DVL2: variants seen among roughly 807,000 people sequenced by gnomAD.
The protein encoded by DVL2 is segment polarity protein dishevelled homolog DVL-2.
A neutral mutation model predicts 69.8 loss-of-function variants in DVL2; 38 were observed. The observed-to-expected ratio is 0.54, with a 90% CI of 0.42 to 0.71. The LOEUF is 0.71. DVL2 is among the 30% of genes least tolerant of loss of function. The pLI is 0.00. For synonymous variants in DVL2, 428 were observed against 392.4 expected, an observed-to-expected ratio of 1.09 and a Z score of -1.07; for missense variants, 931 against 1,008.1, an observed-to-expected ratio of 0.92 and a Z score of 1.04.
chr17:7,231,466 A>C (rs2071542450), intron 1 of DVL2, among the ~76,000 whole-genome samples: 1 of 138,086 alleles, frequency 7.2e-6, no homozygotes, highest in South Asian at 2.3e-4. Context: ...AAAAAAAAAA[A>C]CCTTCCAAAA....
Position 7,230,430 on chromosome 17 carries a change from G to A in DVL2, c.265C>T (p.Leu89=). ...PCFNGRVVSW[L]VSSDNPQPEM... is the part of the protein sequence containing the mutation. ...GGTTGGGGATTATCTGAGGACACCA[G>A]CTAGAAGGGTGCAAATGATAAACAG... The change falls in exon 3 of 15, where the codon CTG becomes TTG. Residue 89 remains leucine (L), a splice_region_variant and synonymous_variant. Coordinates refer to ENST00000005340, the MANE Select transcript of DVL2 (RefSeq NM_004422.3). 6.2e-7 allele frequency: 1 copy of A among 1,614,052 alleles called. No individual in the cohort carries two copies. Among genetic ancestry groups the A allele is most frequent in the Non-Finnish European group, 8.5e-7 (1 of 1,179,956 alleles).
chr17:7,226,872 C>G, intron 13 of DVL2: 1 of 631,116 alleles, frequency 1.6e-6, no homozygotes, highest in South Asian at 2.1e-5. Context: ...GCACCTTCCC[C>G]CGGTGGACAC....
At position 7,234,201 on chromosome 17, in the gene DVL2, T is replaced by G; in HGVS notation, c.62A>C (p.Asp21Ala). The G allele has an allele frequency of 6.2e-7, 1 of 1,614,098 alleles. No individual in the cohort carries two copies. The highest frequency in any genetic ancestry group is 8.5e-7 in the Non-Finnish European group (1 of 1,180,006). Residue 21 changes from aspartate (D) to alanine (A), a missense_variant, in exon 1 of 15, where the codon GAT (aspartate) becomes GCT (alanine). Physicochemically the swap from Asp to Ala is moderately radical, Grantham distance 126. This residue lies in a region of DVL2 where 555 missense variants were observed against 588.8 expected (regional missense o/e 0.94). Transcript: ENST00000005340. ...CACCAGGTAGGGAGTCTCTTCCTCA[T>G]CCAGGTGGTAAATCACCTTCGTCTC... ...VGETKVIYHL[D>A]EEETPYLVKI...
intron 1 of DVL2, among the ~76,000 whole-genome samples, chr17:7,232,679 T>G (rs2071560397): frequency 6.6e-6 from 1 of 152,222 alleles, no homozygotes; most frequent in Non-Finnish European, 1.5e-5. Flanking sequence ...AAAGCCAAGA[T>G]AACTCCCAAG....
At chr17:7,233,985 G>A (rs757754992) in intron 1 of DVL2, 84 bp downstream of exon 1, 4 of 1,460,026 alleles carry the variant, frequency 2.7e-6, no homozygotes, top group African/African-American at 2.8e-5. Flanking sequence ...TCCCAGTGTG[G>A]CCCAAAGTAG....
intron 1 of DVL2, among the ~76,000 whole-genome samples, chr17:7,231,514 T>G (rs1158173810): frequency 2.7e-5 from 4 of 150,220 alleles, no homozygotes; most frequent in Non-Finnish European, 5.9e-5. Flanking sequence ...ACTCTTATAC[T>G]TTCCTTTAGT....
chr17:7,230,820 T>C, intron 1 of DVL2, 23 bp from the exon 2 acceptor site: 11 of 1,597,082 alleles, frequency 6.9e-6, no homozygotes, highest in Non-Finnish European at 9.4e-6. Flanking sequence ...AAGGTAGAGG[T>C]CAGTGAGCTG....
intron 9 of DVL2, 90 bp from the exon 10 acceptor site, chr17:7,228,134 CAA>C (rs2071486377): frequency 9.1e-7 from 1 of 1,099,254 alleles, no homozygotes; most frequent in Non-Finnish European, 1.3e-6. Flanking sequence ...TTAAGAGACA[CAA>C]AGAGGGGGAG....
chr17:7,228,559 G>T (rs1345272503), intron 9 of DVL2: 3 of 196,810 alleles, frequency 1.5e-5, no homozygotes, highest in Non-Finnish European at 3.2e-5. Flanking sequence ...TTTGTTTCAT[G>T]TACTTTGAAC....
rs545420401 is a variant in DVL2, at chr17:7,228,317, A to G, written c.1035-273T>C. On this transcript the variant is annotated intron_variant, in intron 9 of 14. Transcript: ENST00000005340. ...CCAAAAACAGGTAAAACGAAACTGCAGTGTTCAAGGATACGTGCAAGGGTG... is the reference window on the plus strand; with the variant it reads ...CCAAAAACAGGTAAAACGAAACTGCGGTGTTCAAGGATACGTGCAAGGGTG... 3 of 299,102 alleles carry G rather than the reference A, an allele frequency of 1.0e-5. 1 individual carries two copies. The South Asian group carries it at 2.0e-4, about 20-fold the overall frequency. 18.5% of individuals were successfully genotyped at this position (299,102 alleles called of 1,614,324 possible). A position where few individuals can be genotyped will look rare whatever the true frequency, so the allele number is the denominator to read the frequency against.
rs772684304 is a variant in DVL2 at position 7,229,012 on chromosome 17, C to T, written c.991G>A (p.Asp331Asn). The T allele has an allele frequency of 3.1e-6, 5 of 1,614,188 alleles. No homozygotes were observed. The highest frequency in any genetic ancestry group is 4.5e-5 in the East Asian group (2 of 44,884). ...NDMNFENMSN[D>N]DAVRVLRDIV... ...TCCCTCAGCACCCGCACAGCGTCAT[C>T]GTTGCTCATGTTCTCAAAGTTCATG... The change falls in exon 9 of 15, where the codon GAT becomes AAT. Residue 331 changes from aspartate to asparagine, a missense_variant. Physicochemically the swap from Asp to Asn is conservative, Grantham distance 23 (BLOSUM62 1). Around this residue, in one of 3 missense-constraint regions of DVL2, gnomAD observed 555 missense variants for 588.8 expected, o/e 0.94. Transcript: ENST00000005340. This position sits in a 1 kb window ranked among gnomAD's most constrained non-coding sequence, Gnocchi z 4.4.
In DVL2 at chr17:7,225,774, T is replaced by C; in HGVS notation, c.*91A>G. The C allele has an allele frequency of 1.7e-6, 2 of 1,161,802 alleles. No individual in the cohort carries two copies. Among genetic ancestry groups the C allele is most frequent in the Non-Finnish European group, 2.5e-6 (2 of 785,050 alleles). 72.0% of individuals were successfully genotyped at this position (1,161,802 alleles called of 1,614,324 possible). On this transcript the variant is annotated 3_prime_UTR_variant, in exon 15 of 15. Coordinates refer to ENST00000005340, the MANE Select transcript of DVL2 (RefSeq NM_004422.3). The stretch of plus-strand genomic sequence containing the variant: ...TCCTGTATGGCAGCAGCTGGTAGGC[T>C]GAGCCCAGGCACTGTAAGAGCAAGC...
Position 7,229,932 on chromosome 17 carries a change from T to A in DVL2, c.532A>T (p.Arg178Trp). Residue 178 changes from arginine to tryptophan, a missense_variant, in exon 5 of 15, where the codon AGG becomes TGG. By Grantham distance (101) the Arg-to-Trp change is moderately radical. Coordinates refer to ENST00000005340, the MANE Select transcript of DVL2 (RefSeq NM_004422.3). This position sits in a 1 kb window ranked among gnomAD's most constrained non-coding sequence, Gnocchi z 4.4. ...TCCAGCCTTGAGGGGCCACCAGTCCTGTGGCCCCCAGCTACATATGGACAG... is the reference window on the plus strand; with the variant it reads ...TCCAGCCTTGAGGGGCCACCAGTCCAGTGGCCCCCAGCTACATATGGACAG... ...DSSEHGAGGHRTGGPSRLERH... is the reference protein window; with the variant it reads ...DSSEHGAGGHWTGGPSRLERH... 2 of 1,608,522 alleles carry A rather than the reference T, an allele frequency of 1.2e-6. No homozygotes were observed. Among genetic ancestry groups the A allele is most frequent in the Non-Finnish European group, 1.7e-6 (2 of 1,179,814 alleles).
intron 1 of DVL2, among the ~76,000 whole-genome samples, chr17:7,232,205 GT>G (rs2071553047): frequency 6.6e-6 from 1 of 152,158 alleles, no homozygotes; most frequent in Non-Finnish European, 1.5e-5. Context: ...ATGAATAAAC[GT>G]ATAAAGCATC....
At chr17:7,230,562 TC>T in intron 2 of DVL2, 132 bp from the exon 3 acceptor site, 1 of 1,377,068 alleles carries the variant, frequency 7.3e-7, no homozygotes, top group South Asian at 1.4e-5. Context: ...TATTAGAGAC[TC>T]CAGAAGGAGA....
Position 7,234,474 on chromosome 17 carries a change from C to A in DVL2, c.-212G>T. On this transcript the variant is annotated 5_prime_UTR_variant, in exon 1 of 15. Coordinates refer to ENST00000005340, the MANE Select transcript of DVL2 (RefSeq NM_004422.3). ...TCAAAGCCCCGGTCTCAGCGGCCGC[C>A]GCGCGCCACCGCCACCGACGCCGCG... 4 of 558,906 alleles carry A rather than the reference C, an allele frequency of 7.2e-6. No homozygotes were observed. Among genetic ancestry groups the A allele is most frequent in the Non-Finnish European group, 1.2e-5 (4 of 330,572 alleles). 34.6% of individuals were successfully genotyped at this position (558,906 alleles called of 1,614,324 possible). A position where few individuals can be genotyped will look rare whatever the true frequency, so the allele number is the denominator to read the frequency against.
intron 1 of DVL2, among the ~76,000 whole-genome samples, chr17:7,231,653 A>G (rs1250330945): frequency 6.6e-6 from 1 of 151,914 alleles, no homozygotes; most frequent in East Asian, 1.9e-4. Flanking sequence ...ACCTGAGGTC[A>G]GGAGTTCAAG....
rs753921561 is a variant in DVL2, at chr17:7,225,903, T to C, written c.2173A>G (p.Met725Val). 3 of 1,613,960 alleles carry C rather than the reference T, an allele frequency of 1.9e-6. No individual in the cohort carries two copies. The South Asian group carries it at 3.3e-5, about 18-fold the overall frequency. ...TASRQSFHMA[M>V]GNPSEFFVDV... ...ACAAAGAACTCGCTGGGATTGCCCA[T>C]GGCCATGTGGAAGCTTTGGCGGCTG... The change falls in exon 15 of 15, where the codon ATG becomes GTG. Residue 725 changes from methionine to valine, a missense_variant. Physicochemically the swap from Met to Val is conservative, Grantham distance 21. This residue lies in a region of DVL2 where 314 missense variants were observed against 313.7 expected (regional missense o/e 1.00). Coordinates refer to ENST00000005340, the MANE Select transcript of DVL2 (RefSeq NM_004422.3).
intron 1 of DVL2, among the ~76,000 whole-genome samples, chr17:7,232,586 C>G (rs955833647): frequency 1.3e-5 from 2 of 152,220 alleles, no homozygotes; most frequent in Non-Finnish European, 2.9e-5. Flanking sequence ...GTGATTTTCT[C>G]CATGTCACAG....
Sources: allele counts gnomAD v4.1 joint callset (sites outside exome capture counted in the v4.1 genomes callset), GRCh38; gene constraint gnomAD v4.1.1; regional missense constraint gnomAD v4.1.1; non-coding constraint Gnocchi (gnomAD v3.1); transcripts MANE v1.5; gene names NCBI Gene and HGNC (gene_info 2026-07-23, HGNC 2026-07-21).